P3H2: variants seen among roughly 807,000 people sequenced by gnomAD.
P3H2 encodes prolyl 3-hydroxylase 2, also known as leprecan-like 1.
A neutral mutation model predicts 87.0 loss-of-function variants in P3H2; 80 were observed. That is an observed-to-expected ratio of 0.92 (90% CI 0.77 to 1.11). P3H2 has a LOEUF of 1.11. Ranked by LOEUF, P3H2 falls within the 50% of genes least tolerant of loss-of-function variation. The pLI, the probability that P3H2 is intolerant of heterozygous loss-of-function variation, is 0.00. For missense variants in P3H2, 1,001 were observed against 923.9 expected, an observed-to-expected ratio of 1.08 and a Z score of -1.08; for synonymous variants, 367 against 359.3, an observed-to-expected ratio of 1.02 and a Z score of -0.24.
At chr3:189,980,127 T>TTAA in intron 8 of P3H2, among the ~76,000 whole-genome samples, 1 of 152,304 alleles carries the variant, frequency 6.6e-6, no homozygotes, top group East Asian at 1.9e-4. Flanking sequence ...GCTTAGGAGC[T>TTAA]GTCCAGTAGG....
At chr3:190,007,965 C>CACACACACACACACACACATATAT in intron 1 of P3H2, among the ~76,000 whole-genome samples, 200 of 94,354 alleles carry the variant, frequency 2.1e-3, no homozygotes, top group African/African-American at 4.1e-3. Context: ...TGTTGACACA[C>CACACACACACACACACACATATAT]ATATATATAT....
chr3:190,075,393 G>A (rs1415173745), intron 1 of P3H2, among the ~76,000 whole-genome samples: 1 of 151,726 alleles, frequency 6.6e-6, no homozygotes, highest in East Asian at 1.9e-4. Flanking sequence ...GCTGAGGTAG[G>A]AGAACCACTT....
At chr3:190,109,843 G>GTT (rs1711999316) in intron 1 of P3H2, among the ~76,000 whole-genome samples, 1 of 115,614 alleles carries the variant, frequency 8.6e-6, no homozygotes, top group African/African-American at 3.8e-5. Context: ...TTGATGCCCA[G>GTT]TCTTTTTTTT....
chr3:190,114,438 G>A (rs1370992318), intron 1 of P3H2, among the ~76,000 whole-genome samples: 3 of 151,840 alleles, frequency 2.0e-5, no homozygotes, highest in African/African-American at 4.8e-5. Flanking sequence ...CGCCCACCTC[G>A]GCCTCCCAAA....
chr3:190,013,032 G>A (rs970193929), intron 1 of P3H2, among the ~76,000 whole-genome samples: 10 of 152,166 alleles, frequency 6.6e-5, no homozygotes, highest in Non-Finnish European at 4.4e-5. Flanking sequence ...TGTAAGAAAA[G>A]CTGTTCATAT....
chr3:190,090,883 G>A (rs1036730425), intron 1 of P3H2, among the ~76,000 whole-genome samples: 10 of 152,066 alleles, frequency 6.6e-5, no homozygotes, highest in African/African-American at 2.4e-4. Flanking sequence ...TAACTTCAGT[G>A]TCAATTTCTC....
chr3:190,006,785 G>T (rs573614596), intron 1 of P3H2, among the ~76,000 whole-genome samples: 1 of 152,196 alleles, frequency 6.6e-6, no homozygotes, highest in Admixed American at 6.5e-5. Flanking sequence ...TAATGTTACA[G>T]CAGAAATGTC....
Position 189,957,871 on chromosome 3 carries a change from A to G in P3H2, c.*41T>C, listed in dbSNP as rs374946961. ...AAATAAAAAGGTTCTCATAAGATTAACAATTTAAATAAATATTTGATAGAA... is the reference window on the plus strand; with the variant it reads ...AAATAAAAAGGTTCTCATAAGATTAGCAATTTAAATAAATATTTGATAGAA... On this transcript the variant is annotated 3_prime_UTR_variant, in exon 15 of 15. Coordinates refer to ENST00000319332, the MANE Select transcript of P3H2 (RefSeq NM_018192.4). 9 of 1,370,338 alleles carry G rather than the reference A, an allele frequency of 6.6e-6. No individual in the cohort carries two copies. The highest frequency in any genetic ancestry group is 9.4e-6 in the Non-Finnish European group (9 of 959,778). 84.9% of individuals were successfully genotyped at this position (1,370,338 alleles called of 1,614,324 possible). A position where few individuals can be genotyped will look rare whatever the true frequency, so the allele number is the denominator to read the frequency against.
intron 1 of P3H2, among the ~76,000 whole-genome samples, chr3:190,091,645 T>A (rs972394946): frequency 6.6e-6 from 1 of 152,198 alleles, no homozygotes; most frequent in Admixed American, 6.5e-5. Flanking sequence ...ACAAATAGAG[T>A]ACCTGATAAT....
In P3H2 at chr3:190,017,264, C is replaced by T. The variant is rs576938331; in HGVS notation, c.481-21822G>A. ...CATTTCTTTGTTCTTCATAAATTAGCCATGACTGGGGCAGTGAAATTCTAT... is the reference window on the plus strand; with the variant it reads ...CATTTCTTTGTTCTTCATAAATTAGTCATGACTGGGGCAGTGAAATTCTAT... On this transcript the variant is annotated intron_variant, in intron 1 of 14. Transcript: ENST00000319332. 3.3e-5 allele frequency among the ~76,000 whole-genome samples: 5 copies of T among 152,166 alleles called. No individual in the cohort carries two copies. In the South Asian group the frequency reaches 1.0e-3, roughly 32 times the overall value.
At chr3:190,070,494 G>A (rs1726665504) in intron 1 of P3H2, among the ~76,000 whole-genome samples, 1 of 152,102 alleles carries the variant, frequency 6.6e-6, no homozygotes, top group South Asian at 2.1e-4. Context: ...AGGGTATCCA[G>A]GGTCATCTAG....
intron 8 of P3H2, 126 bp downstream of exon 8, chr3:189,982,920 G>C: frequency 1.3e-6 from 1 of 752,456 alleles, no homozygotes; most frequent in Non-Finnish European, 2.4e-6. Context: ...ATTAGGGAGT[G>C]TAGTAGCTTA....
chr3:190,098,396 G>A (rs1254327223), intron 1 of P3H2, among the ~76,000 whole-genome samples: 2 of 152,146 alleles, frequency 1.3e-5, no homozygotes, highest in Non-Finnish European at 2.9e-5. Flanking sequence ...AAAATTAAGA[G>A]ATGAGGTCTG....
chr3:190,081,021 C>T (rs956030361), intron 1 of P3H2, among the ~76,000 whole-genome samples: 6 of 152,204 alleles, frequency 3.9e-5, no homozygotes, highest in Admixed American at 1.3e-4. Context: ...GAATATCTAA[C>T]GCTTACAGAT....
At chr3:190,036,672 T>G (rs1725434944) in intron 1 of P3H2, among the ~76,000 whole-genome samples, 1 of 152,220 alleles carries the variant, frequency 6.6e-6, no homozygotes, top group African/African-American at 2.4e-5. Flanking sequence ...TCTCCCTCAG[T>G]CTCACTCACT....
At chr3:189,998,065 C>T (rs1241436738) in intron 1 of P3H2, among the ~76,000 whole-genome samples, 1 of 152,156 alleles carries the variant, frequency 6.6e-6, no homozygotes, top group African/African-American at 2.4e-5. Flanking sequence ...GTTCAGCAGT[C>T]ACTAGAGCAC....
intron 1 of P3H2, among the ~76,000 whole-genome samples, chr3:190,106,246 A>G (rs896114508): frequency 6.6e-5 from 10 of 152,184 alleles, no homozygotes; most frequent in Non-Finnish European, 1.3e-4. Context: ...AGAAAAGAAC[A>G]TTTCTTAACA....
intron 1 of P3H2, among the ~76,000 whole-genome samples, chr3:190,084,055 A>T (rs1727136096): frequency 6.6e-6 from 1 of 152,238 alleles, no homozygotes; most frequent in Admixed American, 6.5e-5. Context: ...CTCAGTAAGA[A>T]GATGATTTAA....
At position 189,988,991 on chromosome 3, in the gene P3H2, G is replaced by C. The variant is rs763759338; in HGVS notation, c.871C>G (p.Leu291Val). Residue 291 changes from leucine to valine, a missense_variant, in exon 4 of 15, where the codon CTT becomes GTT. Transcript: ENST00000319332. ...GAGAGGCGGCCAGGGCGGGTGGCAA[G>C]TTCCCTCACACATTCATGCTGACAA... ...LVCQHECVRELATRPGRLSPI... is the reference protein window; with the variant it reads ...LVCQHECVREVATRPGRLSPI... 8 of 1,613,968 alleles carry C rather than the reference G, an allele frequency of 5.0e-6. No individual in the cohort carries two copies. Among genetic ancestry groups the C allele is most frequent in the Non-Finnish European group, 6.8e-6 (8 of 1,180,032 alleles).
Sources: allele counts gnomAD v4.1 joint callset (sites outside exome capture counted in the v4.1 genomes callset), GRCh38; gene constraint gnomAD v4.1.1; transcripts MANE v1.5; gene names NCBI Gene and HGNC (gene_info 2026-07-23, HGNC 2026-07-21).